NPAS3: variants seen among roughly 807,000 people sequenced by gnomAD.
The protein encoded by NPAS3 is neuronal PAS domain-containing protein 3.
In NPAS3, 14 loss-of-function variants were observed where a neutral mutation model predicts 73.1. The ratio of observed to expected loss-of-function variants is 0.19; its 90% CI spans 0.13 to 0.30. The LOEUF (loss-of-function observed/expected upper bound fraction) is 0.30. NPAS3 is among the 10% of genes least tolerant of loss of function. The pLI, the probability that NPAS3 is intolerant of heterozygous loss-of-function variation, is 1.00. For synonymous variants in NPAS3, 620 were observed against 541.5 expected (o/e 1.14, Z -2.01); for missense variants, 1,096 against 1,250.0 (o/e 0.88, Z 1.86).
chr14:33,344,635 C>T (rs1411188110), intron 3 of NPAS3, among the ~76,000 whole-genome samples: 2 of 152,164 alleles, frequency 1.3e-5, no homozygotes, highest in African/African-American at 4.8e-5. Context: ...ACTCTTATTA[C>T]TTGTTCATAA....
chr14:33,153,358 T>C lies in NPAS3; in HGVS notation c.141-61824T>C, dbSNP rs574152239. Among the ~76,000 whole-genome samples, 3 of 152,302 alleles carry C rather than the reference T, an allele frequency of 2.0e-5. No individual in the cohort carries two copies. The South Asian group carries it at 6.2e-4, about 32-fold the overall frequency. On this transcript the variant is annotated intron_variant, in intron 2 of 11. Transcript: ENST00000356141. ...CTTGTTGAAATTCATTACTGAGTGGTCTGGGTGAACCATGTAGGGAACTCC... is the reference window on the plus strand; with the variant it reads ...CTTGTTGAAATTCATTACTGAGTGGCCTGGGTGAACCATGTAGGGAACTCC...
In NPAS3 at chr14:33,317,322, A is replaced by G. The variant is rs2043246920; in HGVS notation, c.386-49864A>G. ...TGCTTTCGTGGTACTGTTTTCTTCTAGTGATCCCAACTCTATGAAGTAGGC... is the reference window on the plus strand; with the variant it reads ...TGCTTTCGTGGTACTGTTTTCTTCTGGTGATCCCAACTCTATGAAGTAGGC... On this transcript the variant is annotated intron_variant, in intron 3 of 11. Transcript: ENST00000356141. Among the ~76,000 whole-genome samples the G allele has an allele frequency of 2.0e-5, 3 of 152,180 alleles. No individual in the cohort carries two copies. In the South Asian group the frequency reaches 6.2e-4, roughly 32 times the overall value.
At chr14:33,188,207 C>T (rs370000012) in intron 2 of NPAS3, among the ~76,000 whole-genome samples, 18 of 152,326 alleles carry the variant, frequency 1.2e-4, no homozygotes, top group Middle Eastern at 3.4e-3. Flanking sequence ...GAATAAATGT[C>T]AGTTATGACT....
chr14:32,964,160 TA>T (rs34380538), intron 1 of NPAS3, among the ~76,000 whole-genome samples: 10,092 of 75,148 alleles, frequency 0.13, 428 homozygotes, highest in Middle Eastern at 0.26. Flanking sequence ...TTTGCTGCAC[TA>T]AAAAAAAAAA....
intron 7 of NPAS3, among the ~76,000 whole-genome samples, chr14:33,769,518 C>G (rs973044661): frequency 2.6e-5 from 4 of 152,204 alleles, no homozygotes; most frequent in Non-Finnish European, 5.9e-5. Context: ...GGCCCCATCT[C>G]TGTCTTTTCT....
chr14:33,002,844 A>T (rs1261814688), intron 1 of NPAS3, among the ~76,000 whole-genome samples: 3 of 152,164 alleles, frequency 2.0e-5, no homozygotes, highest in Non-Finnish European at 4.4e-5. Flanking sequence ...GTATGTTTGT[A>T]AGAGCTCTGA....
chr14:33,367,327 A>C (rs900594530), intron 4 of NPAS3, 59 bp downstream of exon 4: 2 of 756,890 alleles, frequency 2.6e-6, no homozygotes, highest in Non-Finnish European at 4.5e-6. Context: ...CCATATGTTT[A>C]GTCTTTTTTT....
At chr14:33,334,638 G>A (rs983322770) in intron 3 of NPAS3, among the ~76,000 whole-genome samples, 4 of 152,138 alleles carry the variant, frequency 2.6e-5, no homozygotes, top group Non-Finnish European at 5.9e-5. Flanking sequence ...AGTCAAAGAT[G>A]AGTCTTAGGC....
intron 3 of NPAS3, among the ~76,000 whole-genome samples, chr14:33,273,017 C>T (rs2041165813): frequency 6.6e-6 from 1 of 152,166 alleles, no homozygotes; most frequent in Non-Finnish European, 1.5e-5. Context: ...TATATTCTTT[C>T]AATTGCTGTT....
chr14:33,234,754 G>A (rs943829724), intron 3 of NPAS3, among the ~76,000 whole-genome samples: 1 of 151,976 alleles, frequency 6.6e-6, no homozygotes, highest in Non-Finnish European at 1.5e-5. Context: ...TTTACTATGG[G>A]TCTAGAACAC....
At chr14:33,414,211 A>G (rs541754132) in intron 4 of NPAS3, among the ~76,000 whole-genome samples, 14 of 152,240 alleles carry the variant, frequency 9.2e-5, no homozygotes, top group Admixed American at 1.3e-4. Flanking sequence ...ACCTGCCACA[A>G]TTCACTTCAA....
At chr14:33,215,401 C>T (rs748847753) in exon 3 of NPAS3, 12 of 1,613,798 alleles carry the variant, frequency 7.4e-6, no homozygotes, top group Middle Eastern at 3.3e-4. Flanking sequence ...GAATGGAAGG[C>T]CCTCCACCTA....
chr14:33,070,763 G>A (rs1223717111), intron 2 of NPAS3, among the ~76,000 whole-genome samples: 2 of 152,190 alleles, frequency 1.3e-5, no homozygotes, highest in African/African-American at 4.8e-5. Flanking sequence ...ACTATCCAGT[G>A]AACAAAATGC....
chr14:33,123,169 A>G (rs1012684356), intron 2 of NPAS3, among the ~76,000 whole-genome samples: 1 of 152,128 alleles, frequency 6.6e-6, no homozygotes, highest in Non-Finnish European at 1.5e-5. Flanking sequence ...TATCAGAATT[A>G]GTACTGTAAA....
chr14:33,000,562 A>AATAT (rs2038770075), intron 1 of NPAS3, among the ~76,000 whole-genome samples: 2 of 152,226 alleles, frequency 1.3e-5, no homozygotes, highest in Admixed American at 1.3e-4. Context: ...TTTATGAAGC[A>AATAT]CTGACAGCGT....
intron 7 of NPAS3, among the ~76,000 whole-genome samples, chr14:33,756,844 G>A (rs181024762): frequency 4.0e-4 from 61 of 152,334 alleles, no homozygotes; most frequent in African/African-American, 1.4e-3. Flanking sequence ...CAGCAAGAGA[G>A]CAATCCCTGG....
intron 2 of NPAS3, among the ~76,000 whole-genome samples, chr14:33,178,893 C>T (rs2045693544): frequency 1.3e-5 from 2 of 152,116 alleles, no homozygotes; most frequent in African/African-American, 4.8e-5. Flanking sequence ...TGTCTTGTTT[C>T]TCATGTTAGG....
chr14:33,400,143 T>C (rs1432030161), intron 4 of NPAS3, among the ~76,000 whole-genome samples: 1 of 152,182 alleles, frequency 6.6e-6, no homozygotes, highest in Non-Finnish European at 1.5e-5. Context: ...TTTAACATTG[T>C]ATAAGAATTT....
chr14:33,606,320 A>G (rs1299097329), intron 5 of NPAS3, among the ~76,000 whole-genome samples: 3 of 145,208 alleles, frequency 2.1e-5, no homozygotes, highest in Admixed American at 7.3e-5. Context: ...GAGAATATGC[A>G]GTGTTTGGTT....
Sources: allele counts gnomAD v4.1 joint callset (sites outside exome capture counted in the v4.1 genomes callset), GRCh38; gene constraint gnomAD v4.1.1; transcripts MANE v1.5; gene names NCBI Gene and HGNC (gene_info 2026-07-23, HGNC 2026-07-21).